Variants in CALN1 observed in about 807,000 individuals in gnomAD.
CALN1 encodes the protein calcium-binding protein 8.
In CALN1, 17 loss-of-function variants were observed where a neutral mutation model predicts 30.6. The observed-to-expected ratio is 0.56, with a 90% CI of 0.38 to 0.83. The LOEUF (loss-of-function observed/expected upper bound fraction) is 0.83, where lower values mean the gene tolerates loss of function less well. Among genes scored for constraint, CALN1 ranks in the 40% least tolerant of loss-of-function variants. The pLI is 0.00. For synonymous variants in CALN1, 156 were observed against 131.4 expected (o/e 1.19, Z -1.28); for missense variants, 291 against 354.9 (o/e 0.82, Z 1.45).
At chr7:72,368,117 G>A (rs753726388) in intron 2 of CALN1, among the ~76,000 whole-genome samples, 55 of 151,762 alleles carry the variant, frequency 3.6e-4, no homozygotes, top group Non-Finnish European at 3.8e-4. Flanking sequence ...CGAAGACTCC[G>A]TCTCAAAAAA....
chr7:72,253,236 AT>A (rs1238200888), intron 3 of CALN1, among the ~76,000 whole-genome samples: 2 of 152,330 alleles, frequency 1.3e-5, no homozygotes, highest in East Asian at 3.9e-4. Context: ...ACTAATGCAA[AT>A]TTTTGATCAT....
At chr7:71,962,041 G>C (rs1302563384) in intron 5 of CALN1, among the ~76,000 whole-genome samples, 1 of 151,922 alleles carries the variant, frequency 6.6e-6, no homozygotes, top group Non-Finnish European at 1.5e-5. Context: ...ATTTGTATCT[G>C]CGTATTCCGT....
chr7:72,203,659 A>G (rs1791600519), intron 3 of CALN1, among the ~76,000 whole-genome samples: 1 of 152,210 alleles, frequency 6.6e-6, no homozygotes, highest in Non-Finnish European at 1.5e-5. Flanking sequence ...CACTCTAATT[A>G]GCAAGGGCTA....
At chr7:72,386,840 C>T (rs1805237636) in intron 2 of CALN1, among the ~76,000 whole-genome samples, 1 of 151,986 alleles carries the variant, frequency 6.6e-6, no homozygotes, top group East Asian at 1.9e-4. Flanking sequence ...GTCACCTTGC[C>T]CTGGCTGGCC....
intron 2 of CALN1, among the ~76,000 whole-genome samples, chr7:72,366,078 G>A (rs536273360): frequency 6.6e-6 from 1 of 152,102 alleles, no homozygotes; most frequent in Non-Finnish European, 1.5e-5. Flanking sequence ...AAAATGAGAA[G>A]TACAAGAAAT....
intron 2 of CALN1, among the ~76,000 whole-genome samples, chr7:72,374,925 T>C (rs892114778): frequency 2.6e-5 from 4 of 152,224 alleles, no homozygotes; most frequent in African/African-American, 9.6e-5. Flanking sequence ...GTGATTTTTA[T>C]ACATTCAAGC....
intron 3 of CALN1, among the ~76,000 whole-genome samples, chr7:72,220,840 T>G (rs1041743366): frequency 3.3e-5 from 5 of 152,378 alleles, no homozygotes; most frequent in Admixed American, 2.6e-4. Flanking sequence ...ATAAATGTCT[T>G]CTTCTGAGAA....
intron 3 of CALN1, among the ~76,000 whole-genome samples, chr7:72,108,088 A>G (rs1807306571): frequency 6.6e-6 from 1 of 152,222 alleles, no homozygotes; most frequent in Non-Finnish European, 1.5e-5. Context: ...TGATGTCAGC[A>G]GAGCTGTGCT....
intron 2 of CALN1, among the ~76,000 whole-genome samples, chr7:72,284,457 C>A (rs759239434): frequency 2.6e-5 from 4 of 152,110 alleles, no homozygotes; most frequent in Non-Finnish European, 4.4e-5. Flanking sequence ...GAGGGTGTTG[C>A]TGGATTAGGT....
intron 3 of CALN1, among the ~76,000 whole-genome samples, chr7:72,119,274 G>C (rs895498653): frequency 1.2e-4 from 18 of 151,912 alleles, no homozygotes; most frequent in Admixed American, 7.2e-4. Context: ...AAGGTGAAAG[G>C]CATGTCTTAC....
chr7:72,209,270 C>CTCTT (rs1792168104), intron 3 of CALN1, among the ~76,000 whole-genome samples: 1 of 102,832 alleles, frequency 9.7e-6, no homozygotes, highest in African/African-American at 3.9e-5. Context: ...CTTTCCTTCC[C>CTCTT]TCCTTCCCTC....
In CALN1 at chr7:71,879,414, G is replaced by A. The variant is rs112322737; in HGVS notation, c.502-68922C>T. Among the ~76,000 whole-genome samples, 1,202 of 152,250 alleles carry A rather than the reference G, an allele frequency of 7.9e-3. 12 individuals carry two copies. Among genetic ancestry groups the A allele is most frequent in the African/African-American group, 0.027 (1,123 of 41,552 alleles). On this transcript the variant is annotated intron_variant, in intron 5 of 6. Coordinates refer to ENST00000395275, the MANE Select transcript of CALN1 (RefSeq NM_031468.4). The stretch of plus-strand genomic sequence containing the variant: ...GATTTTGTGCAAGAGGCGAAGACTT[G>A]TTTAAAGGAGGGGAGATAAACTCTT...
In CALN1 at chr7:72,409,151, G is replaced by A. The variant is rs952790859; in HGVS notation, c.-74+2907C>T. ...GCTGGGATTACAGGCGCCCGCCACC[G>A]CTCCTGGCTAATTTTTGCATTTTTA... On this transcript the variant is annotated intron_variant, in intron 1 of 6. Coordinates refer to ENST00000395275, the MANE Select transcript of CALN1 (RefSeq NM_031468.4). 3.3e-5 allele frequency among the ~76,000 whole-genome samples: 5 copies of A among 151,594 alleles called. No homozygotes were observed. In the East Asian group the frequency reaches 5.9e-4, roughly 18 times the overall value.
intron 3 of CALN1, among the ~76,000 whole-genome samples, chr7:72,208,043 C>G (rs945168023): frequency 6.6e-6 from 1 of 152,118 alleles, no homozygotes; most frequent in African/African-American, 2.4e-5. Flanking sequence ...GCCTCTTATA[C>G]AATCAACCAA....
chr7:72,323,296 G>A (rs1398097421), intron 2 of CALN1, among the ~76,000 whole-genome samples: 1 of 152,074 alleles, frequency 6.6e-6, no homozygotes, highest in Non-Finnish European at 1.5e-5. Flanking sequence ...TCATGAAAAG[G>A]CAGTGATTCT....
chr7:72,170,568 C>T (rs1302310695), intron 3 of CALN1, among the ~76,000 whole-genome samples: 1 of 152,176 alleles, frequency 6.6e-6, no homozygotes, highest in Non-Finnish European at 1.5e-5. Flanking sequence ...GGCATTGCCC[C>T]ACCTTCCTCC....
At chr7:71,905,924 A>C (rs904226017) in intron 5 of CALN1, among the ~76,000 whole-genome samples, 1 of 152,156 alleles carries the variant, frequency 6.6e-6, no homozygotes, top group Non-Finnish European at 1.5e-5. Context: ...GAAGGTGAAG[A>C]AGCAAGCACC....
the CALN1 span, among the ~76,000 whole-genome samples, chr7:72,486,012 G>A: frequency 3.3e-5 from 5 of 152,108 alleles, no homozygotes; most frequent in East Asian, 1.9e-4. Flanking sequence ...CTATTTCATC[G>A]TTATATGAAC....
chr7:72,431,055 G>A (rs186865465), intron 1 of CALN1, among the ~76,000 whole-genome samples: 2 of 145,844 alleles, frequency 1.4e-5, no homozygotes, highest in African/African-American at 5.1e-5. Context: ...TCAGTCTCTC[G>A]AGTAGCTGGG....
Sources: allele counts gnomAD v4.1 joint callset (sites outside exome capture counted in the v4.1 genomes callset), GRCh38; gene constraint gnomAD v4.1.1; transcripts MANE v1.5; gene names NCBI Gene and HGNC (gene_info 2026-07-23, HGNC 2026-07-21).